PEX5L: variants seen among roughly 807,000 people sequenced by gnomAD.
PEX5L encodes peroxisomal biogenesis factor 5 like.
A neutral mutation model predicts 84.0 loss-of-function variants in PEX5L; 30 were observed. The ratio of observed to expected loss-of-function variants is 0.36; its 90% CI spans 0.27 to 0.48. PEX5L has a LOEUF of 0.48. PEX5L is among the 20% of genes least tolerant of loss of function. The probability of loss-of-function intolerance (pLI) is 0.99; values close to 1 mark genes in which losing one functional copy is unlikely to be tolerated. For synonymous variants in PEX5L, 270 were observed against 283.1 expected, an observed-to-expected ratio of 0.95 and a Z score of 0.46; for missense variants, 533 against 754.6, an observed-to-expected ratio of 0.71 and a Z score of 3.44.
At position 179,973,311 on chromosome 3, in the gene PEX5L, C is replaced by A; in HGVS notation, c.22-1646G>T. On this transcript the variant is annotated intron_variant, in intron 1 of 14. Transcript: ENST00000467460. ...TTGCCAGAACTTGCTGACCAGAGAACCACAGATCTTGCCCAGGAACAGCAT... is the reference window on the plus strand; with the variant it reads ...TTGCCAGAACTTGCTGACCAGAGAAACACAGATCTTGCCCAGGAACAGCAT... 4.0e-6 allele frequency: 5 copies of A among 1,261,118 alleles called. No homozygotes were observed. The South Asian group carries it at 5.4e-5, about 14-fold the overall frequency. The allele number at this position is 1,261,118 out of a possible 1,614,324, so 78.1% of individuals were successfully genotyped here. A position where few individuals can be genotyped will look rare whatever the true frequency, so the allele number is the denominator to read the frequency against.
chr3:179,798,255 G>C lies in PEX5L; in HGVS notation c.*3573C>G, dbSNP rs1235886578. On this transcript the variant is annotated 3_prime_UTR_variant, in exon 15 of 15. Transcript: ENST00000467460. ...TATGTTTCCTTACTTTTCTGTTCTA[G>C]TAGGAATCCAGATTGACTGAGAAAG... The C allele has an allele frequency of 2.0e-5, 3 of 152,278 alleles. No individual in the cohort carries two copies. The highest frequency in any genetic ancestry group is 7.2e-5 in the African/African-American group (3 of 41,546). The allele number at this position is 152,278 out of a possible 1,614,324, so 9.4% of individuals were successfully genotyped here. A position where few individuals can be genotyped will look rare whatever the true frequency, so the allele number is the denominator to read the frequency against.
chr3:179,904,249 T>C lies in PEX5L; in HGVS notation c.94-6003A>G, dbSNP rs1046202515. Among the ~76,000 whole-genome samples, 36 of 152,336 alleles carry C rather than the reference T, an allele frequency of 2.4e-4. No individual in the cohort carries two copies. The East Asian group carries it at 3.5e-3, about 15-fold the overall frequency. On this transcript the variant is annotated intron_variant, in intron 2 of 14. Coordinates refer to ENST00000467460, the MANE Select transcript of PEX5L (RefSeq NM_016559.3). ...CTCCATGCAACAGGTGCACATTTCT[T>C]CAGCCATCATCTTTTCTAGGAAGTC... is the stretch of plus-strand genomic sequence containing the variant.
intron 4 of PEX5L, among the ~76,000 whole-genome samples, chr3:179,885,335 A>T (rs35851302): frequency 0.15 from 22,876 of 152,096 alleles, 1,839 homozygotes; most frequent in South Asian, 0.32. Context: ...CTTTAATAGG[A>T]CTGGTGTCCT....
At chr3:179,809,088 A>AAAAC (rs1722686465) in intron 12 of PEX5L, among the ~76,000 whole-genome samples, 1 of 151,046 alleles carries the variant, frequency 6.6e-6, no homozygotes, top group Non-Finnish European at 1.5e-5. Flanking sequence ...AAAAAAAAAA[A>AAAAC]AAAAAAAAAA....
intron 1 of PEX5L, among the ~76,000 whole-genome samples, chr3:180,029,496 C>T (rs9833737): frequency 0.027 from 4,166 of 152,222 alleles, 192 homozygotes; most frequent in African/African-American, 0.095. Flanking sequence ...GGAAAAACTA[C>T]AACAAATTGG....
chr3:179,811,983 T>G, intron 10 of PEX5L, 112 bp from the exon 11 acceptor site: 1 of 810,554 alleles, frequency 1.2e-6, no homozygotes, highest in Non-Finnish European at 2.2e-6. Flanking sequence ...CTGTCTCATA[T>G]GTGAGCGCTA....
chr3:179,978,939 G>C (rs975316154), intron 1 of PEX5L, among the ~76,000 whole-genome samples: 9 of 152,126 alleles, frequency 5.9e-5, no homozygotes, highest in East Asian at 1.9e-4. Flanking sequence ...ACATCCTCAA[G>C]TTTATGTCCT....
rs1718650156 is a variant in PEX5L at position 179,800,841 on chromosome 3, T to G, written c.*987A>C. 6.6e-6 allele frequency: 1 copy of G among 152,234 alleles called. No homozygotes were observed. The highest frequency in any genetic ancestry group is 1.5e-5 in the Non-Finnish European group (1 of 68,034). 9.4% of individuals were successfully genotyped at this position (152,234 alleles called of 1,614,324 possible). ...ATATTGGTGTGCAGGGCAAAGCCAG[T>G]AAAGTATGACACTTAAGCAAGTTAA... On this transcript the variant is annotated 3_prime_UTR_variant, in exon 15 of 15. Transcript: ENST00000467460.
At chr3:179,829,666 C>G (rs1008123736) in intron 8 of PEX5L, among the ~76,000 whole-genome samples, 4 of 151,908 alleles carry the variant, frequency 2.6e-5, no homozygotes, top group African/African-American at 4.8e-5. Flanking sequence ...GGGTTCTTTT[C>G]TCCCGTTTTC....
At chr3:179,909,212 T>C (rs1165578155) in intron 2 of PEX5L, among the ~76,000 whole-genome samples, 3 of 152,148 alleles carry the variant, frequency 2.0e-5, no homozygotes, top group African/African-American at 7.2e-5. Context: ...TGATGGATAT[T>C]TGAGTTCTTC....
intron 2 of PEX5L, among the ~76,000 whole-genome samples, chr3:179,941,707 T>C (rs1245909345): frequency 6.6e-6 from 1 of 152,126 alleles, no homozygotes; most frequent in Non-Finnish European, 1.5e-5. Context: ...GTTATAAGAA[T>C]AGAATATTTC....
Position 179,971,843 on chromosome 3 carries a change from T to C in PEX5L, c.22-178A>G, listed in dbSNP as rs560409284. Among the ~76,000 whole-genome samples the C allele has an allele frequency of 5.9e-5, 9 of 152,312 alleles. No individual in the cohort carries two copies. In the East Asian group the frequency reaches 1.5e-3, roughly 26 times the overall value. On this transcript the variant is annotated intron_variant, in intron 1 of 14. Coordinates refer to ENST00000467460, the MANE Select transcript of PEX5L (RefSeq NM_016559.3). Reference sequence around the variant, plus strand: ...TTTTTATTGTTAAACTGCTGTCTTATAATTATTCATTAACAATATCTGCTT... The same window carrying C: ...TTTTTATTGTTAAACTGCTGTCTTACAATTATTCATTAACAATATCTGCTT...
intron 7 of PEX5L, among the ~76,000 whole-genome samples, chr3:179,865,923 A>G (rs1747963670): frequency 6.6e-6 from 1 of 152,154 alleles, no homozygotes; most frequent in Non-Finnish European, 1.5e-5. Flanking sequence ...GAGTTCACAA[A>G]TGTACTCTAA....
chr3:179,834,554 G>C (rs937751547), intron 8 of PEX5L, among the ~76,000 whole-genome samples: 1 of 152,222 alleles, frequency 6.6e-6, no homozygotes, highest in African/African-American at 2.4e-5. Flanking sequence ...ACTGTGGCTA[G>C]TGAGCAGAGG....
chr3:179,963,301 C>A (rs1050126648), intron 2 of PEX5L, among the ~76,000 whole-genome samples: 1 of 152,186 alleles, frequency 6.6e-6, no homozygotes, highest in Non-Finnish European at 1.5e-5. Flanking sequence ...TAGGTAGAAA[C>A]ATCAGCAATG....
At chr3:180,027,485 CCTCT>C (rs543142514) in intron 1 of PEX5L, among the ~76,000 whole-genome samples, 244 of 152,140 alleles carry the variant, frequency 1.6e-3, no homozygotes, top group African/African-American at 5.0e-3. Flanking sequence ...CTTCTCCCTC[CCTCT>C]CTCTCTATGT....
chr3:179,860,324 G>T (rs1011699822), intron 7 of PEX5L, among the ~76,000 whole-genome samples: 1 of 152,184 alleles, frequency 6.6e-6, no homozygotes, highest in African/African-American at 2.4e-5. Flanking sequence ...GGCTTGAAAT[G>T]AATTTCCCCG....
At chr3:179,824,563 A>G (rs1422508669) in intron 8 of PEX5L, among the ~76,000 whole-genome samples, 1 of 152,086 alleles carries the variant, frequency 6.6e-6, no homozygotes, top group East Asian at 1.9e-4. Flanking sequence ...AGAATTAGCC[A>G]GGCGTGGTGG....
intron 12 of PEX5L, 100 bp downstream of exon 12, chr3:179,809,371 G>C: frequency 1.2e-6 from 1 of 832,582 alleles, no homozygotes; most frequent in Non-Finnish European, 2.1e-6. Context: ...CCATTCTGGA[G>C]TGGGTGGTGT....
Sources: gnomAD v4.1 joint callset for allele counts (sites outside exome capture counted in the v4.1 genomes callset) on GRCh38, gnomAD v4.1.1 for gene constraint, MANE v1.5 for transcripts, NCBI Gene and HGNC (gene_info 2026-07-23, HGNC 2026-07-21) for gene names.